RNF139: variants seen among roughly 807,000 people sequenced by gnomAD.
RNF139 encodes the protein E3 ubiquitin-protein ligase RNF139.
A neutral mutation model predicts 49.5 loss-of-function variants in RNF139; 15 were observed. The observed-to-expected ratio is 0.30, with a 90% CI of 0.20 to 0.47. The LOEUF is 0.47. RNF139 is among the 20% of genes least tolerant of loss of function. RNF139 has a pLI of 1.00. For missense variants in RNF139, 619 were observed against 806.3 expected, an observed-to-expected ratio of 0.77 and a Z score of 2.81; for synonymous variants, 325 against 300.9, an observed-to-expected ratio of 1.08 and a Z score of -0.83.
intron 1 of RNF139, among the ~76,000 whole-genome samples, chr8:124,478,331 T>G (rs1816345376): frequency 6.6e-6 from 1 of 151,990 alleles, no homozygotes; most frequent in Non-Finnish European, 1.5e-5. Context: ...TTAAATACTG[T>G]CAAGACCGCT....
rs781504288 is a variant in RNF139, at chr8:124,487,084, A to C, written c.1435A>C (p.Met479Leu). The part of the protein sequence containing the change: ...SIIEFIFGVV[M>L]FGNGAYTMMF... ...TATTGAATTTATATTTGGAGTTGTA[A>C]TGTTTGGAAATGGGGCTTACACTAT... is the stretch of plus-strand genomic sequence containing the variant. Residue 479 changes from methionine (M) to leucine (L), a missense_variant, in exon 2 of 2, where the codon ATG becomes CTG. By Grantham distance (15) the Met-to-Leu change is conservative. This residue lies in a region of RNF139 where 530 missense variants were observed against 728.9 expected (regional missense o/e 0.73). Transcript: ENST00000303545. 4 of 1,613,862 alleles carry C rather than the reference A, an allele frequency of 2.5e-6. No individual in the cohort carries two copies. Among genetic ancestry groups the C allele is most frequent in the East Asian group, 2.2e-5 (1 of 44,884 alleles).
chr8:124,478,246 GAA>G (rs1377497283), intron 1 of RNF139, among the ~76,000 whole-genome samples: 3 of 151,880 alleles, frequency 2.0e-5, no homozygotes, highest in Non-Finnish European at 4.4e-5. Flanking sequence ...ATAAGCAAGA[GAA>G]AAAGTATTTA....
At chr8:124,483,948 T>C (rs1031552732) in intron 1 of RNF139, among the ~76,000 whole-genome samples, 3 of 152,180 alleles carry the variant, frequency 2.0e-5, no homozygotes, top group African/African-American at 7.2e-5. Flanking sequence ...GATCTTTGCT[T>C]TCTGTTATAG....
intron 1 of RNF139, among the ~76,000 whole-genome samples, chr8:124,479,397 A>G (rs554712408): frequency 6.6e-6 from 1 of 152,210 alleles, no homozygotes; most frequent in Non-Finnish European, 1.5e-5. Flanking sequence ...CTAGCCATGC[A>G]ATAAAGTTCT....
chr8:124,477,483 T>G (rs991516020), intron 1 of RNF139, among the ~76,000 whole-genome samples: 1 of 152,194 alleles, frequency 6.6e-6, no homozygotes, highest in African/African-American at 2.4e-5. Flanking sequence ...TTCTTTAAAA[T>G]TAATGTGTAA....
chr8:124,487,221 T>C lies in RNF139; in HGVS notation c.1572T>C (p.Thr524=). Residue 524 remains threonine (T), a synonymous_variant, in exon 2 of 2, where the codon ACT becomes ACC. Transcript: ENST00000303545. ...GGAAGACATTTATGAATCGTAGGAC[T>C]GCTGTGAAGAAAATTAATTCACTTC... ...NGWKTFMNRR[T]AVKKINSLPE... The C allele has an allele frequency of 6.2e-7, 1 of 1,613,956 alleles. No individual in the cohort carries two copies. The highest frequency in any genetic ancestry group is 8.5e-7 in the Non-Finnish European group (1 of 1,179,950).
chr8:124,480,147 A>T (rs1185977213), intron 1 of RNF139, among the ~76,000 whole-genome samples: 1 of 151,902 alleles, frequency 6.6e-6, no homozygotes, highest in East Asian at 2.0e-4. Context: ...CTTAAAAAAA[A>T]AAAATAGTCA....
At chr8:124,483,105 A>C (rs1371214245) in intron 1 of RNF139, among the ~76,000 whole-genome samples, 2 of 4,978 alleles carry the variant, frequency 4.0e-4, no homozygotes, top group African/African-American at 2.1e-3. Flanking sequence ...AAAAATATAT[A>C]TATTAAAAAT....
At chr8:124,475,553 G>A (rs576129580) in intron 1 of RNF139, among the ~76,000 whole-genome samples, 9 of 152,364 alleles carry the variant, frequency 5.9e-5, no homozygotes, top group Admixed American at 1.3e-4. Flanking sequence ...TGAGCATGCA[G>A]CTCTTTGCCC....
chr8:124,485,407 A>G (rs1317561845), intron 1 of RNF139, among the ~76,000 whole-genome samples: 2 of 152,152 alleles, frequency 1.3e-5, no homozygotes, highest in African/African-American at 4.8e-5. Context: ...ATAGGAATAA[A>G]TGTTTTCCAT....
chr8:124,475,115 G>A lies in RNF139; in HGVS notation c.6G>A (p.Ala2=), dbSNP rs527628410. 20 of 1,591,434 alleles carry A rather than the reference G, an allele frequency of 1.3e-5. No individual in the cohort carries two copies. In the Admixed American group the frequency reaches 2.1e-4, roughly 16 times the overall value. ...CCCTGGTGTGGCAGCGGCTCATGGC[G>A]GCCGTGGGGCCCCCGCAGCAGCAGG... is the stretch of plus-strand genomic sequence containing the variant. The part of the protein sequence containing the change: M[A]AVGPPQQQVR... Residue 2 remains alanine (A), a synonymous_variant, in exon 1 of 2, where the codon GCG becomes GCA. Coordinates refer to ENST00000303545, the MANE Select transcript of RNF139 (RefSeq NM_007218.4).
Position 124,486,947 on chromosome 8 carries a change from A to G in RNF139, c.1298A>G (p.Lys433Arg). 2 of 1,614,090 alleles carry G rather than the reference A, an allele frequency of 1.2e-6. No homozygotes were observed. The highest frequency in any genetic ancestry group is 1.7e-6 in the Non-Finnish European group (2 of 1,180,006). ...VTAFCVELCLKVIVSLTVYTL... is the reference protein window; with the variant it reads ...VTAFCVELCLRVIVSLTVYTL... ...GCATTTTGTGTGGAACTGTGCTTAAAAGTAATTGTTTCTCTCACTGTTTAT... is the reference window on the plus strand; with the variant it reads ...GCATTTTGTGTGGAACTGTGCTTAAGAGTAATTGTTTCTCTCACTGTTTAT... The change falls in exon 2 of 2, where the codon AAA (lysine) becomes AGA (arginine). Residue 433 changes from lysine to arginine, a missense_variant. Transcript: ENST00000303545.
chr8:124,485,581 T>C (rs1412329604), intron 1 of RNF139, among the ~76,000 whole-genome samples: 1 of 152,220 alleles, frequency 6.6e-6, no homozygotes, highest in African/African-American at 2.4e-5. Flanking sequence ...ACAGTGTTAC[T>C]TGAAATACTT....
intron 1 of RNF139, among the ~76,000 whole-genome samples, chr8:124,485,335 T>G (rs1249678282): frequency 6.6e-5 from 10 of 152,178 alleles, no homozygotes; most frequent in Admixed American, 4.6e-4. Flanking sequence ...GTGCACTCCA[T>G]CCTGGGCAAC....
Position 124,485,889 on chromosome 8 carries a change from C to A in RNF139, c.240C>A (p.Tyr80Ter). 1 of 1,613,820 alleles carries A rather than the reference C, an allele frequency of 6.2e-7. No homozygotes were observed. Among genetic ancestry groups the A allele is most frequent in the Non-Finnish European group, 8.5e-7 (1 of 1,179,682 alleles). The part of the protein sequence containing the change: ...ILSQRSLFKF[Y>*]TYSSAFLLAA... ...CACAACGATCACTTTTCAAGTTTTA[C>A]ACGTACAGCTCAGCCTTTCTGTTAG... Residue 80 changes from tyrosine to a stop codon, truncating the protein, a stop_gained, in exon 2 of 2, where the codon TAC becomes TAA. Coordinates refer to ENST00000303545, the MANE Select transcript of RNF139 (RefSeq NM_007218.4). LOFTEE classifies it high-confidence loss of function.
rs1270114245 is a variant in RNF139, at chr8:124,487,176, C to T, written c.1527C>T (p.Tyr509=). 1 of 1,613,936 alleles carries T rather than the reference C, an allele frequency of 6.2e-7. No individual in the cohort carries two copies. Among genetic ancestry groups the T allele is most frequent in the Admixed American group, 1.7e-5 (1 of 60,014 alleles). Reference sequence around the variant, plus strand: ...GCCTACATGCATATTTTAACATCTACTTACAAGCCAAAAATGGCTGGAAGA... The same window carrying T: ...GCCTACATGCATATTTTAACATCTATTTACAAGCCAAAAATGGCTGGAAGA... ...MMCLHAYFNI[Y]LQAKNGWKTF... The change falls in exon 2 of 2, where the codon TAC becomes TAT. Residue 509 remains tyrosine (Y), a synonymous_variant. Transcript: ENST00000303545.
At position 124,480,938 on chromosome 8, in the gene RNF139, A is replaced by T. The variant is rs549028931; in HGVS notation, c.182-4893A>T. On this transcript the variant is annotated intron_variant, in intron 1 of 1. Transcript: ENST00000303545. ...TAATATTTTTTTTATGATATCACAG[A>T]TGGGAAAGACAAACTAGAAAAACTT... Among the ~76,000 whole-genome samples, 40 of 152,262 alleles carry T rather than the reference A, an allele frequency of 2.6e-4. No homozygotes were observed. The South Asian group carries it at 6.6e-3, about 25-fold the overall frequency.
chr8:124,478,176 T>C (rs893599561), intron 1 of RNF139, among the ~76,000 whole-genome samples: 2 of 151,264 alleles, frequency 1.3e-5, no homozygotes, highest in African/African-American at 2.4e-5. Flanking sequence ...AAAAAACTTA[T>C]ACTCCCTTAG....
intron 1 of RNF139, among the ~76,000 whole-genome samples, chr8:124,480,426 A>T (rs892127812): frequency 3.5e-5 from 5 of 141,590 alleles, no homozygotes; most frequent in Non-Finnish European, 7.7e-5. Flanking sequence ...AAAAAAAAAA[A>T]GGAAGTCAAA....
Sources: allele counts gnomAD v4.1 joint callset (sites outside exome capture counted in the v4.1 genomes callset), GRCh38; gene constraint gnomAD v4.1.1; regional missense constraint gnomAD v4.1.1; transcripts MANE v1.5; gene names NCBI Gene and HGNC (gene_info 2026-07-23, HGNC 2026-07-21).